Variants in TRAF1 observed in about 807,000 individuals in gnomAD.
The protein encoded by TRAF1 is TNF receptor-associated factor 1.
In TRAF1, 23 loss-of-function variants were observed where a neutral mutation model predicts 40.9. The ratio of observed to expected loss-of-function variants is 0.56; its 90% CI spans 0.40 to 0.80. The LOEUF (loss-of-function observed/expected upper bound fraction) is 0.80, where lower values mean the gene tolerates loss of function less well. Among genes scored for constraint, TRAF1 ranks in the 30% least tolerant of loss-of-function variants. The pLI is 0.00. For missense variants in TRAF1, 477 were observed against 528.7 expected, an observed-to-expected ratio of 0.90 and a Z score of 0.96; for synonymous variants, 206 against 218.8, an observed-to-expected ratio of 0.94 and a Z score of 0.52.
At chr9:120,917,799 A>G (rs1358283328) in intron 3 of TRAF1, among the ~76,000 whole-genome samples, 1 of 151,990 alleles carries the variant, frequency 6.6e-6, no homozygotes, top group Non-Finnish European at 1.5e-5. Context: ...TGGATAATCC[A>G]AGGTCACCTC....
Position 120,925,996 on chromosome 9 carries a change from C to A in TRAF1, c.80G>T (p.Cys27Phe). ...EFPFGCPPTV[C>F]QDPKEPRALC... ...AGCCCTGGGCTCCTTTGGGTCCTGG[C>A]AGACGGTGGGAGGGCACCCAAAGGG... The change falls in exon 2 of 8, where the codon TGC becomes TTC. Residue 27 changes from cysteine (C) to phenylalanine (F), a missense_variant. Coordinates refer to ENST00000373887, the MANE Select transcript of TRAF1 (RefSeq NM_005658.5). The A allele has an allele frequency of 1.2e-6, 2 of 1,613,580 alleles. No individual in the cohort carries two copies. Among genetic ancestry groups the A allele is most frequent in the South Asian group, 2.2e-5 (2 of 91,060 alleles).
At chr9:120,905,999 C>G (rs1048035300) in intron 7 of TRAF1, among the ~76,000 whole-genome samples, 16 of 151,632 alleles carry the variant, frequency 1.1e-4, no homozygotes, top group Non-Finnish European at 1.5e-4. Flanking sequence ...TGGGAACTGC[C>G]GGGGGTAGGA....
At chr9:120,911,772 T>C (rs2046529583) in intron 5 of TRAF1, among the ~76,000 whole-genome samples, 2 of 152,164 alleles carry the variant, frequency 1.3e-5, no homozygotes, top group African/African-American at 2.4e-5. Context: ...AATATGTTCT[T>C]ACAGAGCCCT....
At chr9:120,917,341 CTTGTTT>C (rs1286814139) in intron 3 of TRAF1, among the ~76,000 whole-genome samples, 2 of 152,098 alleles carry the variant, frequency 1.3e-5, no homozygotes, top group African/African-American at 4.8e-5. Context: ...GGGTTCAGAG[CTTGTTT>C]CTGTCACTTC....
chr9:120,924,569 C>T (rs1303131039), intron 2 of TRAF1, among the ~76,000 whole-genome samples: 2 of 152,132 alleles, frequency 1.3e-5, no homozygotes, highest in Admixed American at 6.5e-5. Flanking sequence ...TGCACACCAC[C>T]ACACCCAGCT....
intron 6 of TRAF1, among the ~76,000 whole-genome samples, chr9:120,910,337 C>T (rs1226112348): frequency 2.0e-5 from 3 of 152,148 alleles, no homozygotes; most frequent in Non-Finnish European, 2.9e-5. Flanking sequence ...GTGGGATGAG[C>T]GCTACTCCTG....
intron 4 of TRAF1, 25 bp downstream of exon 4, chr9:120,914,210 T>C (rs1380061368): frequency 1.3e-6 from 2 of 1,488,960 alleles, no homozygotes; most frequent in East Asian, 2.4e-5. Flanking sequence ...TGGATAGATC[T>C]CCTTTCTCAC....
At chr9:120,906,885 T>G (rs1420046980) in intron 7 of TRAF1, among the ~76,000 whole-genome samples, 1 of 152,178 alleles carries the variant, frequency 6.6e-6, no homozygotes, top group Non-Finnish European at 1.5e-5. Context: ...TGTTTTTGTT[T>G]TGAGACCAAG....
intron 2 of TRAF1, among the ~76,000 whole-genome samples, chr9:120,924,897 C>T (rs2046628648): frequency 6.6e-6 from 1 of 152,240 alleles, no homozygotes; most frequent in Admixed American, 6.5e-5. Context: ...AGCCCTCCAA[C>T]TTCCAATCAG....
rs1396219970 is a variant in TRAF1 at position 120,904,082 on chromosome 9, GA to G, written c.*937del. 6.6e-6 allele frequency: 1 copy of G among 152,284 alleles called. No homozygotes were observed. Among genetic ancestry groups the G allele is most frequent in the Non-Finnish European group, 1.5e-5 (1 of 68,078 alleles). 9.4% of individuals were successfully genotyped at this position (152,284 alleles called of 1,614,324 possible). On this transcript the variant is annotated 3_prime_UTR_variant, in exon 8 of 8. Transcript: ENST00000373887. The stretch of plus-strand genomic sequence containing the variant: ...GTTAATCAGGTGTTACGGGATTCTG[GA>G]AAGCACCAAAGGTGGGGCCTCTAGG...
At position 120,913,399 on chromosome 9, in the gene TRAF1, G is replaced by T; in HGVS notation, c.634C>A (p.His212Asn). 1 of 1,613,902 alleles carries T rather than the reference G, an allele frequency of 6.2e-7. No homozygotes were observed. Among genetic ancestry groups the T allele is most frequent in the Non-Finnish European group, 8.5e-7 (1 of 1,180,008 alleles). Reference protein sequence around the residue: ...AVLNKEVEASHLALATSIHQS... With the variant: ...AVLNKEVEASNLALATSIHQS... ...TGGATAGAGGTGGCCAGGGCCAGGT[G>T]GGAGGCCTCCACCTCCTTGTTGAGG... Residue 212 changes from histidine (H) to asparagine (N), a missense_variant, in exon 5 of 8, where the codon CAC becomes AAC. By Grantham distance (68) the His-to-Asn change is moderately conservative (BLOSUM62 1). Transcript: ENST00000373887.
chr9:120,923,932 A>C, intron 2 of TRAF1, 140 bp from the exon 3 acceptor site: 1 of 814,260 alleles, frequency 1.2e-6, no homozygotes, highest in Non-Finnish European at 2.0e-6. Flanking sequence ...CAGTTCCTAA[A>C]TCGCAAAACT....
At chr9:120,920,043 C>G (rs542248468) in intron 3 of TRAF1, among the ~76,000 whole-genome samples, 55 of 152,258 alleles carry the variant, frequency 3.6e-4, no homozygotes, top group African/African-American at 1.3e-3. Flanking sequence ...GTCACAGGAT[C>G]GGGGCGATTA....
chr9:120,924,449 C>T (rs561780425), intron 2 of TRAF1, among the ~76,000 whole-genome samples: 2 of 146,338 alleles, frequency 1.4e-5, no homozygotes, highest in Non-Finnish European at 1.5e-5. Flanking sequence ...GGGTCTTACT[C>T]TGTAGCCCAG....
In TRAF1 at chr9:120,925,903, T is replaced by G. The variant is rs751885561; in HGVS notation, c.140+33A>C. ...CAGGGGTCCCTCCCTGGCACCCACT[T>G]TCTGCCCACCCTCCGCTCCTCCATC... On this transcript the variant is annotated intron_variant, in intron 2 of 7. Coordinates refer to ENST00000373887, the MANE Select transcript of TRAF1 (RefSeq NM_005658.5). The G allele has an allele frequency of 4.3e-6, 7 of 1,612,848 alleles. No homozygotes were observed. The South Asian group carries it at 4.4e-5, about 10-fold the overall frequency.
At chr9:120,924,472 T>C (rs1413071825) in intron 2 of TRAF1, among the ~76,000 whole-genome samples, 5 of 152,124 alleles carry the variant, frequency 3.3e-5, no homozygotes, top group African/African-American at 1.2e-4. Flanking sequence ...TGGAGTGCAG[T>C]GGTGCGATCT....
intron 3 of TRAF1, among the ~76,000 whole-genome samples, chr9:120,919,889 C>T (rs976879332): frequency 3.9e-5 from 6 of 152,190 alleles, no homozygotes; most frequent in African/African-American, 1.2e-4. Flanking sequence ...AGAGAAGATG[C>T]CACCAGCTCA....
chr9:120,925,898 C>T, intron 2 of TRAF1, 38 bp downstream of exon 2: 1 of 1,612,712 alleles, frequency 6.2e-7, no homozygotes, highest in Non-Finnish European at 8.5e-7. Flanking sequence ...TCCCTGGCAC[C>T]CACTTTCTGC....
intron 3 of TRAF1, among the ~76,000 whole-genome samples, chr9:120,920,769 C>A (rs2046599562): frequency 6.6e-6 from 1 of 152,190 alleles, no homozygotes; most frequent in South Asian, 2.1e-4. Flanking sequence ...AGGCTGGGGA[C>A]AAACTGATAA....
Sources: allele counts gnomAD v4.1 joint callset (sites outside exome capture counted in the v4.1 genomes callset), GRCh38; gene constraint gnomAD v4.1.1; transcripts MANE v1.5; gene names NCBI Gene and HGNC (gene_info 2026-07-23, HGNC 2026-07-21).